The following BMPER variants were observed in gnomAD, a reference collection of about 807,000 sequenced individuals.
The protein encoded by BMPER is BMP-binding endothelial regulator protein.
BMPER carries 45 observed loss-of-function variants against 87.3 expected under a neutral mutation model. The ratio of observed to expected loss-of-function variants is 0.52; its 90% CI spans 0.41 to 0.66. The LOEUF is 0.66. BMPER is among the 30% of genes least tolerant of loss of function. The pLI, the probability that BMPER is intolerant of heterozygous loss-of-function variation, is 0.00. For synonymous variants in BMPER, 326 were observed against 316.2 expected, an observed-to-expected ratio of 1.03 and a Z score of -0.33; for missense variants, 784 against 867.5, an observed-to-expected ratio of 0.90 and a Z score of 1.21.
chr7:34,078,710 C>T lies in BMPER; in HGVS notation c.1079-147C>T, dbSNP rs1788929893. 5 of 799,300 alleles carry T rather than the reference C, an allele frequency of 6.3e-6. No individual in the cohort carries two copies. The South Asian group carries it at 7.8e-5, about 12-fold the overall frequency. The allele number at this position is 799,300 out of a possible 1,614,324, so 49.5% of individuals were successfully genotyped here. ...GTATTCTGTGAGGTTTGACACGAAC[C>T]TTTAAAAACGACCACTTTTTTTTTT... On this transcript the variant is annotated intron_variant, in intron 11 of 14. Coordinates refer to ENST00000649409, the MANE Select transcript of BMPER (RefSeq NM_001365308.1).
At chr7:33,913,731 G>GCACAAA (rs1784019769) in intron 2 of BMPER, among the ~76,000 whole-genome samples, 1 of 152,162 alleles carries the variant, frequency 6.6e-6, no homozygotes, top group Admixed American at 6.5e-5. Context: ...TGGAGTGATT[G>GCACAAA]GTAGCACAGC....
intron 11 of BMPER, among the ~76,000 whole-genome samples, chr7:34,078,293 G>A (rs977332524): frequency 6.6e-6 from 1 of 152,116 alleles, no homozygotes; most frequent in African/African-American, 2.4e-5. Flanking sequence ...TTAGCAATTT[G>A]TTTCCTGATA....
chr7:34,030,311 A>G (rs1290073231), intron 6 of BMPER, among the ~76,000 whole-genome samples: 1 of 152,142 alleles, frequency 6.6e-6, no homozygotes. Context: ...ATTGAAGTTG[A>G]TCAGCATTTT....
At chr7:34,035,726 C>A (rs1206974828) in intron 6 of BMPER, among the ~76,000 whole-genome samples, 2 of 152,200 alleles carry the variant, frequency 1.3e-5, no homozygotes, top group African/African-American at 4.8e-5. Flanking sequence ...CACTGTGTGG[C>A]TAGGCACTGT....
intron 13 of BMPER, among the ~76,000 whole-genome samples, chr7:34,132,217 G>T (rs1790610888): frequency 6.6e-6 from 1 of 152,098 alleles, no homozygotes; most frequent in Admixed American, 6.5e-5. Flanking sequence ...CATTGAAGAA[G>T]GCATTTGCTC....
intron 14 of BMPER, among the ~76,000 whole-genome samples, chr7:34,145,953 A>G (rs1221599818): frequency 6.6e-6 from 1 of 152,132 alleles, no homozygotes; most frequent in African/African-American, 2.4e-5. Context: ...TTCTTAGTGG[A>G]GCCATCTGGG....
At chr7:33,985,890 C>T (rs1283518785) in intron 6 of BMPER, among the ~76,000 whole-genome samples, 1 of 152,108 alleles carries the variant, frequency 6.6e-6, no homozygotes, top group African/African-American at 2.4e-5. Flanking sequence ...TGCCATTTGA[C>T]CTTAGTATGC....
intron 3 of BMPER, among the ~76,000 whole-genome samples, chr7:33,947,876 G>A (rs561344329): frequency 6.6e-6 from 1 of 152,222 alleles, no homozygotes; most frequent in African/African-American, 2.4e-5. Context: ...ATATTGCTAT[G>A]TGGTTGTTTC....
At chr7:34,097,797 G>T (rs1789568595) in intron 13 of BMPER, among the ~76,000 whole-genome samples, 1 of 152,112 alleles carries the variant, frequency 6.6e-6, no homozygotes, top group South Asian at 2.1e-4. Context: ...TTCACTCAAA[G>T]ACTTTTTTTG....
intron 13 of BMPER, among the ~76,000 whole-genome samples, chr7:34,140,180 T>C (rs1790827052): frequency 1.3e-5 from 2 of 152,286 alleles, no homozygotes; most frequent in African/African-American, 2.4e-5. Context: ...AATGGAGCAG[T>C]GAAAATCTCT....
At chr7:33,983,975 G>A (rs1430895977) in intron 6 of BMPER, among the ~76,000 whole-genome samples, 3 of 152,152 alleles carry the variant, frequency 2.0e-5, no homozygotes, top group East Asian at 1.9e-4. Flanking sequence ...TCAGCCTTGG[G>A]CATTGAGCCT....
At chr7:34,143,447 A>C in intron 14 of BMPER, 87 bp downstream of exon 14, 1 of 1,574,406 alleles carries the variant, frequency 6.4e-7, no homozygotes. Flanking sequence ...TGCTGACATG[A>C]GTGGCCACAT....
chr7:34,051,225 C>G (rs1788140143), intron 7 of BMPER, among the ~76,000 whole-genome samples: 1 of 152,164 alleles, frequency 6.6e-6, no homozygotes, highest in Non-Finnish European at 1.5e-5. Flanking sequence ...GCCCCACCTC[C>G]TAATACCATT....
intron 6 of BMPER, among the ~76,000 whole-genome samples, chr7:34,037,804 T>A (rs1260902899): frequency 6.6e-6 from 1 of 152,200 alleles, no homozygotes; most frequent in Non-Finnish European, 1.5e-5. Flanking sequence ...GATTGTCTGG[T>A]TTGAATTTCA....
At chr7:33,942,766 C>T (rs1484387089) in intron 3 of BMPER, among the ~76,000 whole-genome samples, 1 of 152,148 alleles carries the variant, frequency 6.6e-6, no homozygotes, top group Non-Finnish European at 1.5e-5. Flanking sequence ...AGTGGGAGGC[C>T]ATGTTTTCTC....
intron 6 of BMPER, among the ~76,000 whole-genome samples, chr7:34,030,690 T>C (rs1787498348): frequency 6.6e-6 from 1 of 151,870 alleles, no homozygotes; most frequent in South Asian, 2.1e-4. Flanking sequence ...GGTGCAATCA[T>C]AGCTCACTAT....
chr7:34,046,191 C>A, intron 6 of BMPER, 115 bp from the exon 7 acceptor site: 1 of 957,516 alleles, frequency 1.0e-6, no homozygotes, highest in Non-Finnish European at 1.7e-6. Context: ...CCTGAGCAGT[C>A]AGTCTAGGGA....
At chr7:33,958,079 T>A (rs1785189191) in intron 3 of BMPER, among the ~76,000 whole-genome samples, 1 of 152,210 alleles carries the variant, frequency 6.6e-6, no homozygotes, top group African/African-American at 2.4e-5. Flanking sequence ...GTTGGTTGTT[T>A]GTTGTCTTTA....
At chr7:34,009,875 G>A (rs1786833292) in intron 6 of BMPER, among the ~76,000 whole-genome samples, 1 of 151,850 alleles carries the variant, frequency 6.6e-6, no homozygotes, top group African/African-American at 2.4e-5. Flanking sequence ...GTGTTGACTA[G>A]CTACTTATTC....
Sources: allele counts gnomAD v4.1 joint callset (sites outside exome capture counted in the v4.1 genomes callset), GRCh38; gene constraint gnomAD v4.1.1; transcripts MANE v1.5; gene names NCBI Gene and HGNC (gene_info 2026-07-23, HGNC 2026-07-21).